The following ARX variants were observed in gnomAD, a reference collection of about 807,000 sequenced individuals.
ARX encodes the protein aristaless related homeobox.
Under a neutral mutation model 23.1 loss-of-function variants are expected in ARX, and 1 was observed. The observed-to-expected ratio is 0.04, with a 90% CI of 0.02 to 0.21. ARX has a LOEUF of 0.21. Ranked by LOEUF, ARX falls within the 10% of genes least tolerant of loss-of-function variation. ARX has a pLI of 1.00. For missense variants in ARX, 380 were observed against 527.5 expected (o/e 0.72, Z 2.74); for synonymous variants, 301 against 270.1 (o/e 1.11, Z -1.12).
At position 25,012,901 on chromosome X, in the gene ARX, G is replaced by C. The variant is rs779281432; in HGVS notation, c.1073+21C>G. ...GCGTGCGCTCTCTGCCGCTGCGACC[G>C]CGACCACCCTACGCGCATACCTGGT... On this transcript the variant is annotated intron_variant, in intron 2 of 4. Transcript: ENST00000379044. 15 of 1,198,491 alleles carry C rather than the reference G, an allele frequency of 1.3e-5. No homozygotes were observed. The East Asian group carries it at 4.5e-4, about 36-fold the overall frequency.
chrX:25,010,167 ACCCCCCGCAC>A (rs2048695885), intron 3 of ARX, 83 bp downstream of exon 3: 32 of 865,460 alleles, frequency 3.7e-5, no homozygotes, highest in Non-Finnish European at 5.3e-5. Context: ...AGGGGATCTC[ACCCCCCGCAC>A]CCCCCCGCCA....
At chrX:25,007,505 G>T (rs1344525204) in intron 3 of ARX, 66 bp from the exon 4 acceptor site, 49 of 1,102,951 alleles carry the variant, frequency 4.4e-5, no homozygotes, top group South Asian at 2.8e-4. Flanking sequence ...GCCCCTACCC[G>T]TCCCTTCCCT....
In ARX at chrX:25,004,818, G is replaced by A; in HGVS notation, c.1541C>T (p.Ser514Leu). 1 of 1,177,513 alleles carries A rather than the reference G, an allele frequency of 8.5e-7. No individual in the cohort carries two copies. The highest frequency in any genetic ancestry group is 1.1e-6 in the Non-Finnish European group (1 of 878,749). The change falls in exon 5 of 5, where the codon TCG becomes TTG. Residue 514 changes from serine (S) to leucine (L), a missense_variant. By Grantham distance (145) the Ser-to-Leu change is moderately radical (BLOSUM62 -2). This residue lies in a region of ARX where 121 missense variants were observed against 169.7 expected (regional missense o/e 0.71). Coordinates refer to ENST00000379044, the MANE Select transcript of ARX (RefSeq NM_139058.3). ...PTPAVEGAVA[S>L]GALADPATAA... ...CGTGGCCGGGTCGGCCAGGGCGCCC[G>A]ATGCCACTGCGCCCTCCACGGCGGG...
At chrX:25,013,910 G>C in intron 1 of ARX, 112 bp from the exon 2 acceptor site, 1 of 856,790 alleles carries the variant, frequency 1.2e-6, no homozygotes, top group Non-Finnish European at 1.4e-6. Context: ...CAGGCGTGCG[G>C]GGACCGCGCA....
chrX:25,012,821 A>ATT lies in ARX; in HGVS notation c.1073+100_1073+101insAA, dbSNP rs1569395209. ...GCTCTTCCACAGAGTCCAGGAGCCAAGCGTCCGCCCCGAGGCCGGGGCCCC... is the reference window on the plus strand; with the variant it reads ...GCTCTTCCACAGAGTCCAGGAGCCAATTGCGTCCGCCCCGAGGCCGGGGCCCC... On this transcript the variant is annotated intron_variant, in intron 2 of 4. Transcript: ENST00000379044. 3.5e-6 allele frequency: 4 copies of ATT among 1,154,470 alleles called. No individual in the cohort carries two copies. The East Asian group carries it at 1.3e-4, about 38-fold the overall frequency.
rs765105001 is a variant in ARX at position 25,008,285 on chromosome X, G to A, written c.1120-846C>T. On this transcript the variant is annotated intron_variant, in intron 3 of 4. Coordinates refer to ENST00000379044, the MANE Select transcript of ARX (RefSeq NM_139058.3). ...AGGCACTGACTACATGGATGAAGCAGGCAGCAATACCTGGGCGCATAGAAA... is the reference window on the plus strand; with the variant it reads ...AGGCACTGACTACATGGATGAAGCAAGCAGCAATACCTGGGCGCATAGAAA... Among the ~76,000 whole-genome samples the A allele has an allele frequency of 6.2e-5, 7 of 112,997 alleles. No homozygotes were observed. The South Asian group carries it at 2.6e-3, about 41-fold the overall frequency.
At chrX:25,012,642 T>C (rs1013327601) in intron 2 of ARX, among the ~76,000 whole-genome samples, 1 of 113,006 alleles carries the variant, frequency 8.8e-6, no homozygotes, top group African/African-American at 3.2e-5. Flanking sequence ...TTTCTTTTCC[T>C]CTCTCTAACT....
At position 25,013,363 on chromosome X, in the gene ARX, G is replaced by A. The variant is rs1057522488; in HGVS notation, c.632C>T (p.Pro211Leu). The change falls in exon 2 of 5, where the codon CCG becomes CTG. Residue 211 changes from proline (P) to leucine (L), a missense_variant. Pro to Leu is a moderately conservative substitution (Grantham distance 98, BLOSUM62 -3). Transcript: ENST00000379044. The part of the protein sequence containing the change: ...PEERLGVAGG[P>L]GSAPAAGGGT... ...ACCACCCGCAGCCGGGGCGCTGCCC[G>A]GGCCGCCGGCCACGCCGAGGCGCTC... 3.7e-5 allele frequency: 42 copies of A among 1,143,063 alleles called. No individual in the cohort carries two copies. Among genetic ancestry groups the A allele is most frequent in the Non-Finnish European group, 4.7e-5 (41 of 867,462 alleles). 94.2% of individuals were successfully genotyped at this position (1,143,063 alleles called of 1,213,427 possible).
chrX:25,014,695 G>T (rs1211162375), intron 1 of ARX, among the ~76,000 whole-genome samples: 1 of 112,842 alleles, frequency 8.9e-6, no homozygotes, highest in East Asian at 2.8e-4. Flanking sequence ...AAAGAAAAAA[G>T]TCAGTTTTAT....
Position 25,007,248 on chromosome X carries a change from G to GGCGGCGGCGGCA in ARX, c.1299_1310dup (p.Ala437_Ala440dup). On this transcript the variant is annotated inframe_insertion, in exon 4 of 5. Coordinates refer to ENST00000379044, the MANE Select transcript of ARX (RefSeq NM_139058.3). ...GAGGTAGGCTCGGGAAGGCGGCGGCGGCGGCGGCGGCAGCGGCAGTCCAAG... is the reference window on the plus strand; with the variant it reads ...GAGGTAGGCTCGGGAAGGCGGCGGCGGCGGCGGCGGCAGCGGCGGCGGCAGCGGCAGTCCAAG... The GGCGGCGGCGGCA allele has an allele frequency of 8.9e-7, 1 of 1,119,934 alleles. No individual in the cohort carries two copies. Among genetic ancestry groups the GGCGGCGGCGGCA allele is most frequent in the Non-Finnish European group, 1.2e-6 (1 of 857,435 alleles). 92.3% of individuals were successfully genotyped at this position (1,119,934 alleles called of 1,213,427 possible). A position where few individuals can be genotyped will look rare whatever the true frequency, so the allele number is the denominator to read the frequency against.
intron 4 of ARX, among the ~76,000 whole-genome samples, chrX:25,006,178 A>G (rs1433711582): frequency 8.9e-6 from 1 of 112,541 alleles, no homozygotes; most frequent in Non-Finnish European, 1.9e-5. Flanking sequence ...AGAAATGATA[A>G]AGTGTGACCC....
intron 4 of ARX, chrX:25,006,403 C>G (rs2048678205): frequency 1.8e-5 from 2 of 112,841 alleles, no homozygotes; most frequent in African/African-American, 6.4e-5. Flanking sequence ...AAGCTGCATC[C>G]AGTTTTATTT....
intron 3 of ARX, 113 bp from the exon 4 acceptor site, chrX:25,007,552 C>G: frequency 1.1e-6 from 1 of 928,790 alleles, no homozygotes; most frequent in Non-Finnish European, 1.4e-6. Flanking sequence ...TCCACCGCGG[C>G]CCGCGCCCAC....
At position 25,005,007 on chromosome X, in the gene ARX, G is replaced by T. The variant is rs955009022; in HGVS notation, c.1449-97C>A. On this transcript the variant is annotated intron_variant, in intron 4 of 4. Transcript: ENST00000379044. ...CGCTTGTCGCCGGGGCAGCTGAGGG[G>T]CGCGGTACCCACGGGACCCGGATGG... is the stretch of plus-strand genomic sequence containing the variant. 7 of 1,028,344 alleles carry T rather than the reference G, an allele frequency of 6.8e-6. No individual in the cohort carries two copies. In the South Asian group the frequency reaches 1.4e-4, roughly 21 times the overall value. 84.7% of individuals were successfully genotyped at this position (1,028,344 alleles called of 1,213,427 possible).
Position 25,007,340 on chromosome X carries a change from T to C in ARX, c.1219A>G (p.Thr407Ala), listed in dbSNP as rs2147320561. Residue 407 changes from threonine to alanine, a missense_variant, in exon 4 of 5, where the codon ACC (threonine) becomes GCC (alanine). Physicochemically the swap from Thr to Ala is moderately conservative, Grantham distance 58. Around this residue, in one of 3 missense-constraint regions of ARX, gnomAD observed 121 missense variants for 169.7 expected, o/e 0.71. Transcript: ENST00000379044. ...GLPFPGPLSA[T>A]HPLSPYLDAS... ...TCCAGGTAGGGGCTGAGCGGGTGGG[T>C]GGCGGAGAGCGGCCCCGGGAAGGGC... is the stretch of plus-strand genomic sequence containing the variant. 8.8e-7 allele frequency: 1 copy of C among 1,140,760 alleles called. No homozygotes were observed. Among genetic ancestry groups the C allele is most frequent in the African/African-American group, 1.9e-5 (1 of 52,982 alleles). 94.0% of individuals were successfully genotyped at this position (1,140,760 alleles called of 1,213,427 possible).
Position 25,007,119 on chromosome X carries a change from T to A in ARX, c.1440A>T (p.Ala480=), listed in dbSNP as rs1455145423. 5 of 1,195,052 alleles carry A rather than the reference T, an allele frequency of 4.2e-6. No homozygotes were observed. Among genetic ancestry groups the A allele is most frequent in the Non-Finnish European group, 5.6e-6 (5 of 888,260 alleles). The part of the protein sequence containing the change: ...VFRHPAFISP[A]FGRLFSTMAP... ...CCGAGGCTGCGCGTTACCTGCCGAA[T>A]GCCGGGCTGATGAAAGCTGGGTGTC... Residue 480 remains alanine, a synonymous_variant, in exon 4 of 5, where the codon GCA becomes GCT. Coordinates refer to ENST00000379044, the MANE Select transcript of ARX (RefSeq NM_139058.3).
chrX:25,013,908 C>T, intron 1 of ARX, 110 bp from the exon 2 acceptor site: 1 of 853,728 alleles, frequency 1.2e-6, no homozygotes, highest in East Asian at 5.6e-5. Flanking sequence ...CCCAGGCGTG[C>T]GGGGACCGCG....
chrX:25,009,184 C>T (rs1022048338), intron 3 of ARX, among the ~76,000 whole-genome samples: 3 of 111,879 alleles, frequency 2.7e-5, no homozygotes, highest in Non-Finnish European at 5.6e-5. Context: ...TGTCCCCCTG[C>T]AATTCCTCAT....
chrX:25,006,050 CCTCTCCGAAT>C (rs1169026040), intron 4 of ARX: 1 of 112,462 alleles, frequency 8.9e-6, no homozygotes, highest in Non-Finnish European at 1.9e-5. Flanking sequence ...CCTCTTCCAG[CCTCTCCGAAT>C]CTCGCAACTC....
Sources: gnomAD v4.1 joint callset for allele counts (sites outside exome capture counted in the v4.1 genomes callset) on GRCh38, gnomAD v4.1.1 for gene constraint, gnomAD v4.1.1 regional missense constraint, MANE v1.5 for transcripts, NCBI Gene and HGNC (gene_info 2026-07-23, HGNC 2026-07-21) for gene names.